The following CDH12 variants were observed in gnomAD, a reference collection of about 807,000 sequenced individuals.
CDH12 encodes the protein cadherin 12.
In CDH12, 41 loss-of-function variants were observed where a neutral mutation model predicts 74.1. That is an observed-to-expected ratio of 0.55 (90% CI 0.43 to 0.72). The LOEUF is 0.72. CDH12 is among the 30% of genes least tolerant of loss of function. The probability of loss-of-function intolerance (pLI) is 0.00; values close to 1 mark genes in which losing one functional copy is unlikely to be tolerated. For missense variants in CDH12, 945 were observed against 977.2 expected, an observed-to-expected ratio of 0.97 and a Z score of 0.44; for synonymous variants, 399 against 355.0, an observed-to-expected ratio of 1.12 and a Z score of -1.39.
chr5:22,822,043 A>G (rs1749729791), intron 1 of CDH12, among the ~76,000 whole-genome samples: 1 of 152,200 alleles, frequency 6.6e-6, no homozygotes, highest in Non-Finnish European at 1.5e-5. Flanking sequence ...GATATAGATC[A>G]ATGGAACAGA....
chr5:21,752,102 C>G lies in CDH12; in HGVS notation c.2020G>C (p.Asp674His). Reference protein sequence around the residue: ...GGGEEDTQAFDIGALRNPKVI... With the variant: ...GGGEEDTQAFHIGALRNPKVI... ...TTTGGGTTTCTCAGAGCCCCGATGT[C>G]GAAAGCCTGGGTATCTTCCTCCCCA... The change falls in exon 15 of 15, where the codon GAC becomes CAC. Residue 674 changes from aspartate (D) to histidine (H), a missense_variant. Asp to His is a moderately conservative substitution (Grantham distance 81). Transcript: ENST00000382254. 3 of 1,614,064 alleles carry G rather than the reference C, an allele frequency of 1.9e-6. No individual in the cohort carries two copies. Among genetic ancestry groups the G allele is most frequent in the Non-Finnish European group, 2.5e-6 (3 of 1,180,010 alleles).
chr5:21,989,041 T>C (rs1757638961), intron 5 of CDH12, among the ~76,000 whole-genome samples: 1 of 152,114 alleles, frequency 6.6e-6, no homozygotes, highest in Non-Finnish European at 1.5e-5. Context: ...CATTTTAATG[T>C]ATTTTCATTG....
intron 1 of CDH12, among the ~76,000 whole-genome samples, chr5:22,814,533 T>G (rs1450231407): frequency 6.6e-6 from 1 of 152,210 alleles, no homozygotes; most frequent in Non-Finnish European, 1.5e-5. Flanking sequence ...TTCATTGATC[T>G]ATTATTTAGA....
intron 2 of CDH12, among the ~76,000 whole-genome samples, chr5:22,486,645 G>C (rs1220537842): frequency 6.6e-6 from 1 of 151,730 alleles, no homozygotes; most frequent in Non-Finnish European, 1.5e-5. Context: ...GTAGAGATGG[G>C]GTTTCTCCAT....
chr5:22,780,378 C>T (rs1049853416), intron 1 of CDH12, among the ~76,000 whole-genome samples: 5 of 152,186 alleles, frequency 3.3e-5, no homozygotes, highest in Middle Eastern at 3.4e-3. Context: ...TAAAGAAATA[C>T]GTGAGATTGG....
chr5:22,167,822 A>T (rs1002836773), intron 4 of CDH12, among the ~76,000 whole-genome samples: 1 of 152,086 alleles, frequency 6.6e-6, no homozygotes, highest in African/African-American at 2.4e-5. Flanking sequence ...TTGAAAATCC[A>T]TATTCCATTT....
chr5:22,664,132 C>T (rs1740488277), intron 1 of CDH12, among the ~76,000 whole-genome samples: 1 of 152,080 alleles, frequency 6.6e-6, no homozygotes, highest in Non-Finnish European at 1.5e-5. Flanking sequence ...GTTTTGAATT[C>T]ACATAATACA....
intron 2 of CDH12, among the ~76,000 whole-genome samples, chr5:22,423,356 G>A (rs545592406): frequency 1.3e-5 from 2 of 152,240 alleles, no homozygotes; most frequent in East Asian, 1.9e-4. Flanking sequence ...CAGAAACCAA[G>A]AGACTTGGAG....
intron 1 of CDH12, among the ~76,000 whole-genome samples, chr5:22,751,994 A>G (rs1489902491): frequency 6.6e-6 from 1 of 152,164 alleles, no homozygotes; most frequent in Non-Finnish European, 1.5e-5. Context: ...AAGTCTAAAC[A>G]AAGTGAGCTC....
chr5:22,812,854 C>T (rs1264973308), intron 1 of CDH12, among the ~76,000 whole-genome samples: 9 of 151,872 alleles, frequency 5.9e-5, no homozygotes, highest in East Asian at 1.9e-4. Flanking sequence ...CTAGAGGCAA[C>T]GGAGGGAAAT....
chr5:21,824,280 A>G (rs1304242330), intron 8 of CDH12, among the ~76,000 whole-genome samples: 1 of 151,786 alleles, frequency 6.6e-6, no homozygotes, highest in Non-Finnish European at 1.5e-5. Context: ...AGGAGGCTGG[A>G]CTGTTCTTAC....
At chr5:22,688,757 CAAAT>C (rs34009753) in intron 1 of CDH12, among the ~76,000 whole-genome samples, 10,066 of 152,048 alleles carry the variant, frequency 0.066, 645 homozygotes, top group African/African-American at 0.16. Flanking sequence ...AAAATAAACA[CAAAT>C]AAACATTATC....
intron 1 of CDH12, among the ~76,000 whole-genome samples, chr5:22,512,628 G>C (rs1736658765): frequency 1.3e-5 from 2 of 152,088 alleles, no homozygotes; most frequent in African/African-American, 4.8e-5. Context: ...CTGCAACTTG[G>C]GCATAGACAT....
intron 1 of CDH12, among the ~76,000 whole-genome samples, chr5:22,801,408 A>G (rs1322704417): frequency 1.3e-5 from 2 of 152,076 alleles, no homozygotes; most frequent in Admixed American, 6.6e-5. Flanking sequence ...TGTATGAGCT[A>G]TTAAGGGCAT....
intron 4 of CDH12, among the ~76,000 whole-genome samples, chr5:22,197,570 C>A (rs1750694660): frequency 6.6e-6 from 1 of 152,134 alleles, no homozygotes; most frequent in South Asian, 2.1e-4. Flanking sequence ...AGCATTGTTT[C>A]TTTTCTGATT....
chr5:22,464,714 G>T (rs956926726), intron 2 of CDH12, among the ~76,000 whole-genome samples: 67 of 152,250 alleles, frequency 4.4e-4, no homozygotes, highest in African/African-American at 1.5e-3. Context: ...TTTAAAAGAT[G>T]ATTTGTGCCA....
chr5:22,746,123 A>G (rs567616778), intron 1 of CDH12, among the ~76,000 whole-genome samples: 7 of 152,276 alleles, frequency 4.6e-5, no homozygotes, highest in African/African-American at 1.4e-4. Flanking sequence ...AATTTCTCCA[A>G]AGTATTATTA....
intron 10 of CDH12, among the ~76,000 whole-genome samples, chr5:21,787,966 CTTA>C (rs1442119257): frequency 2.6e-5 from 4 of 152,124 alleles, no homozygotes; most frequent in African/African-American, 9.7e-5. Flanking sequence ...ACTGAAACTC[CTTA>C]TTAACTGTAG....
rs148004993 is a variant in CDH12 at position 22,038,532 on chromosome 5, A to T, written c.231+39914T>A. ...GGAGCTGTACCATCTACTTTTCTCAATCCTTGCTGTGCCCTGTCTCTAGGG... is the reference window on the plus strand; with the variant it reads ...GGAGCTGTACCATCTACTTTTCTCATTCCTTGCTGTGCCCTGTCTCTAGGG... On this transcript the variant is annotated intron_variant, in intron 5 of 14. Coordinates refer to ENST00000382254, the MANE Select transcript of CDH12 (RefSeq NM_004061.5). Among the ~76,000 whole-genome samples the T allele has an allele frequency of 1.4e-4, 22 of 152,006 alleles. No homozygotes were observed. The East Asian group carries it at 4.1e-3, about 28-fold the overall frequency.
Sources: allele counts gnomAD v4.1 joint callset (sites outside exome capture counted in the v4.1 genomes callset), GRCh38; gene constraint gnomAD v4.1.1; transcripts MANE v1.5; gene names NCBI Gene and HGNC (gene_info 2026-07-23, HGNC 2026-07-21).